Variants in TMEM242 observed in about 807,000 individuals in gnomAD.
TMEM242 encodes UPF0463 transmembrane protein C6orf35.
TMEM242 carries 10 observed loss-of-function variants against 18.2 expected under a neutral mutation model. The ratio of observed to expected loss-of-function variants is 0.55; its 90% CI spans 0.34 to 0.93. The LOEUF (loss-of-function observed/expected upper bound fraction) is 0.93, where lower values mean the gene tolerates loss of function less well. TMEM242 is among the 40% of genes least tolerant of loss of function. The pLI is 0.02. For missense variants in TMEM242, 186 were observed against 175.5 expected, an observed-to-expected ratio of 1.06 and a Z score of -0.34; for synonymous variants, 57 against 69.9, an observed-to-expected ratio of 0.81 and a Z score of 0.92.
Position 157,300,259 on chromosome 6 carries a change from T to C in TMEM242, c.328-7260A>G, listed in dbSNP as rs1777810650. The stretch of plus-strand genomic sequence containing the variant: ...GCGCAAGACACGCCCCCTGGCCCTC[T>C]ACTGCGGCTGCGCGGGCCTTGCCAG... On this transcript the variant is annotated intron_variant, in intron 3 of 3. Coordinates refer to ENST00000400788, the MANE Select transcript of TMEM242 (RefSeq NM_018452.6). 4 of 341,766 alleles carry C rather than the reference T, an allele frequency of 1.2e-5. No individual in the cohort carries two copies. In the East Asian group the frequency reaches 2.6e-4, roughly 22 times the overall value. The allele number at this position is 341,766 out of a possible 1,614,324, so 21.2% of individuals were successfully genotyped here.
intron 3 of TMEM242, among the ~76,000 whole-genome samples, chr6:157,294,863 T>C (rs1777731610): frequency 6.6e-6 from 1 of 152,136 alleles, no homozygotes; most frequent in Non-Finnish European, 1.5e-5. Context: ...GCTCCACCAT[T>C]TGGGAAAGCT....
At chr6:157,318,943 G>A (rs1238316293) in intron 2 of TMEM242, 24 bp from the exon 3 acceptor site, 17 of 1,581,810 alleles carry the variant, frequency 1.1e-5, no homozygotes, top group East Asian at 2.3e-5. Context: ...GAAAAGTTGA[G>A]GTAAAAACAA....
chr6:157,323,324 G>GA, intron 1 of TMEM242, 88 bp downstream of exon 1: 1 of 1,381,148 alleles, frequency 7.2e-7, no homozygotes, highest in Non-Finnish European at 1.0e-6. Flanking sequence ...CTCAGAGCGG[G>GA]ATGTGTGTGG....
intron 3 of TMEM242, among the ~76,000 whole-genome samples, chr6:157,296,219 G>A (rs1316795722): frequency 6.6e-6 from 1 of 152,202 alleles, no homozygotes; most frequent in Non-Finnish European, 1.5e-5. Flanking sequence ...GGGGTATGCT[G>A]GGAACTAGAG....
chr6:157,318,638 G>C, intron 3 of TMEM242, 144 bp downstream of exon 3: 1 of 868,612 alleles, frequency 1.2e-6, no homozygotes, highest in Non-Finnish European at 1.7e-6. Flanking sequence ...CTAGTTATTT[G>C]TAAGAATTTA....
intron 3 of TMEM242, among the ~76,000 whole-genome samples, chr6:157,300,598 C>G (rs1461780890): frequency 3.3e-5 from 5 of 152,218 alleles, no homozygotes; most frequent in Admixed American, 2.6e-4. Flanking sequence ...CAGAAGTGGG[C>G]TCCTGCTATC....
chr6:157,312,304 GTTGAT>G (rs1778170718), intron 3 of TMEM242, among the ~76,000 whole-genome samples: 3 of 144,846 alleles, frequency 2.1e-5, no homozygotes, highest in Admixed American at 6.8e-5. Context: ...CCCAGTGTGC[GTTGAT>G]CTGACCTCAT....
chr6:157,299,578 A>T, intron 3 of TMEM242: 1 of 1,570,856 alleles, frequency 6.4e-7, no homozygotes, highest in Admixed American at 1.7e-5. Context: ...AGGCTACATA[A>T]GTTAAGTTAT....
intron 1 of TMEM242, 34 bp downstream of exon 1, chr6:157,323,378 C>T: frequency 6.2e-7 from 1 of 1,608,450 alleles, no homozygotes; most frequent in East Asian, 2.2e-5. Context: ...GTTAACTCAC[C>T]CCGACGCCCG....
In TMEM242 at chr6:157,292,074, G is replaced by T. The variant is rs1777690563; in HGVS notation, c.*827C>A. On this transcript the variant is annotated 3_prime_UTR_variant, in exon 4 of 4. Coordinates refer to ENST00000400788, the MANE Select transcript of TMEM242 (RefSeq NM_018452.6). ...AGGTGGTCCCAAATACTTTATATTG[G>T]GACTCCGTACTCAGGTGACTTTCTG... The T allele has an allele frequency of 6.6e-6, 1 of 151,958 alleles. No homozygotes were observed. Among genetic ancestry groups the T allele is most frequent in the Admixed American group, 6.6e-5 (1 of 15,258 alleles). The allele number at this position is 151,958 out of a possible 1,614,324, so 9.4% of individuals were successfully genotyped here.
At chr6:157,297,594 G>A (rs1307157809) in intron 3 of TMEM242, among the ~76,000 whole-genome samples, 1 of 152,152 alleles carries the variant, frequency 6.6e-6, no homozygotes, top group Non-Finnish European at 1.5e-5. Flanking sequence ...TGCTTCCTGA[G>A]AAATCAACAT....
intron 3 of TMEM242, among the ~76,000 whole-genome samples, chr6:157,312,773 C>T (rs1475219892): frequency 1.8e-5 from 2 of 112,990 alleles, no homozygotes; most frequent in African/African-American, 7.3e-5. Context: ...TCACAGTGTG[C>T]GCTCACCTAG....
At chr6:157,312,297 A>T (rs1778170429) in intron 3 of TMEM242, among the ~76,000 whole-genome samples, 1 of 152,224 alleles carries the variant, frequency 6.6e-6, no homozygotes. Flanking sequence ...ATAGTGCCCC[A>T]GTGTGCGTTG....
chr6:157,320,786 T>C (rs1435559039), intron 2 of TMEM242, among the ~76,000 whole-genome samples: 2 of 152,220 alleles, frequency 1.3e-5, no homozygotes, highest in African/African-American at 4.8e-5. Flanking sequence ...AGCTTGAATT[T>C]TATCAGTGGC....
rs587742663 is a variant in TMEM242 at position 157,292,737 on chromosome 6, C to T, written c.*164G>A. 33 of 535,308 alleles carry T rather than the reference C, an allele frequency of 6.2e-5. No individual in the cohort carries two copies. Among genetic ancestry groups the T allele is most frequent in the African/African-American group, 6.0e-4 (32 of 53,084 alleles). The allele number at this position is 535,308 out of a possible 1,614,324, so 33.2% of individuals were successfully genotyped here. On this transcript the variant is annotated 3_prime_UTR_variant, in exon 4 of 4. Coordinates refer to ENST00000400788, the MANE Select transcript of TMEM242 (RefSeq NM_018452.6). ...ACTTTACCCTCCCCCAGCACGCACA[C>T]ACATACTCTCCTGTGATGAGGCTGA...
At chr6:157,314,888 AACCGCAAGC>A (rs1182315238) in intron 3 of TMEM242, among the ~76,000 whole-genome samples, 22 of 152,334 alleles carry the variant, frequency 1.4e-4, no homozygotes, top group Middle Eastern at 3.4e-3. Flanking sequence ...TTAAAATAGG[AACCGCAAGC>A]ACTTTCATCA....
chr6:157,311,174 G>A (rs66559408), intron 3 of TMEM242, among the ~76,000 whole-genome samples: 1 of 12,568 alleles, frequency 8.0e-5, no homozygotes, highest in African/African-American at 8.1e-4. Flanking sequence ...CATAGTGTCC[G>A]AATGTGCGCT....
intron 3 of TMEM242, among the ~76,000 whole-genome samples, chr6:157,315,035 A>AC (rs1554250204): frequency 6.6e-6 from 1 of 152,192 alleles, no homozygotes; most frequent in African/African-American, 2.4e-5. Flanking sequence ...ATCTAGAATG[A>AC]TCATCTCAGT....
chr6:157,320,738 T>C (rs143660053), intron 2 of TMEM242, among the ~76,000 whole-genome samples: 4,931 of 152,352 alleles, frequency 0.032, 132 homozygotes, highest in Admixed American at 0.047. Context: ...CCCAAAGTGC[T>C]GGGATAAAAG....
Sources: allele counts gnomAD v4.1 joint callset (sites outside exome capture counted in the v4.1 genomes callset), GRCh38; gene constraint gnomAD v4.1.1; transcripts MANE v1.5; gene names NCBI Gene and HGNC (gene_info 2026-07-23, HGNC 2026-07-21).